MYH13: variants seen among roughly 807,000 people sequenced by gnomAD.
MYH13 encodes the protein myosin-13.
Under a neutral mutation model 232.1 loss-of-function variants are expected in MYH13, and 177 were observed. The ratio of observed to expected loss-of-function variants is 0.76; its 90% CI spans 0.67 to 0.86. The LOEUF is 0.86. Among genes scored for constraint, MYH13 ranks in the 40% least tolerant of loss-of-function variants. The pLI is 0.00. For missense variants in MYH13, 2,246 were observed against 2,405.9 expected (o/e 0.93, Z 1.39); for synonymous variants, 884 against 923.5 (o/e 0.96, Z 0.78).
At chr17:10,335,193 C>T (rs142673625) in intron 18 of MYH13, among the ~76,000 whole-genome samples, 166 of 152,242 alleles carry the variant, frequency 1.1e-3, no homozygotes, top group African/African-American at 3.9e-3. Context: ...TGAGGCAGGT[C>T]GCAGCCAAAA....
At chr17:10,326,101 A>C (rs759214894) in intron 22 of MYH13, among the ~76,000 whole-genome samples, 13 of 152,210 alleles carry the variant, frequency 8.5e-5, no homozygotes, top group Non-Finnish European at 1.6e-4. Flanking sequence ...ACAGGCATTA[A>C]CCACTCTGAT....
rs1381279867 is a variant in MYH13, at chr17:10,360,208, C to T, written c.506-20G>A. 31 of 1,609,476 alleles carry T rather than the reference C, an allele frequency of 1.9e-5. No individual in the cohort carries two copies. Among genetic ancestry groups the T allele is most frequent in the Non-Finnish European group, 2.6e-5 (31 of 1,177,602 alleles). ...CTCGATCTAGAAATGCAGAGGGAAG[C>T]AAAACAAAACAAATAAACAACAAAC... On this transcript the variant is annotated intron_variant, in intron 5 of 40. Transcript: ENST00000252172.
chr17:10,345,158 C>A (rs1265642414), intron 15 of MYH13, 44 bp downstream of exon 15: 1 of 1,613,640 alleles, frequency 6.2e-7, no homozygotes, highest in South Asian at 1.1e-5. Context: ...AAGGGGAGGG[C>A]CCCCAATAAG....
chr17:10,338,199 A>G (rs1414399414), intron 18 of MYH13, among the ~76,000 whole-genome samples: 1 of 150,740 alleles, frequency 6.6e-6, no homozygotes, highest in East Asian at 2.0e-4. Flanking sequence ...CATGTACTCA[A>G]CGACGACAGT....
rs1255357072 is a variant in MYH13, at chr17:10,345,557, C to A, written c.1323G>T (p.Met441Ile). ...CCAGCTGCTGGTTGATGCGGGTGAC[C>A]ATCCACAGGAACATCTTCTCGTAGA... is the stretch of plus-strand genomic sequence containing the variant. ...KAVYEKMFLW[M>I]VTRINQQLDT... Residue 441 changes from methionine to isoleucine, a missense_variant, in exon 14 of 41, where the codon ATG becomes ATT. Coordinates refer to ENST00000252172, the MANE Select transcript of MYH13 (RefSeq NM_003802.3). 4.3e-6 allele frequency: 7 copies of A among 1,614,036 alleles called. No individual in the cohort carries two copies. The highest frequency in any genetic ancestry group is 5.9e-6 in the Non-Finnish European group (7 of 1,180,044).
rs1906814915 is a variant in MYH13, at chr17:10,318,785, G to A, written c.3738+5C>T. The A allele has an allele frequency of 1.9e-6, 3 of 1,613,962 alleles. No individual in the cohort carries two copies. The East Asian group carries it at 6.7e-5, about 36-fold the overall frequency. The stretch of plus-strand genomic sequence containing the variant: ...TCTCCAAGAGCAGAAGGGCCAGTCA[G>A]GTACCTTTGACTTGGAGAGAGCCTC... On this transcript the variant is annotated splice_donor_5th_base_variant and intron_variant, in intron 27 of 40. Coordinates refer to ENST00000252172, the MANE Select transcript of MYH13 (RefSeq NM_003802.3).
In MYH13 at chr17:10,330,450, C is replaced by G. The variant is rs1265102492; in HGVS notation, c.2372G>C (p.Ser791Thr). The G allele has an allele frequency of 6.2e-7, 1 of 1,613,256 alleles. No individual in the cohort carries two copies. Among genetic ancestry groups the G allele is most frequent in the Non-Finnish European group, 8.5e-7 (1 of 1,179,786 alleles). The change falls in exon 21 of 41, where the codon AGC becomes ACC. Residue 791 changes from serine to threonine, a missense_variant. Physicochemically the swap from Ser to Thr is moderately conservative, Grantham distance 58. Coordinates refer to ENST00000252172, the MANE Select transcript of MYH13 (RefSeq NM_003802.3). Reference protein sequence around the residue: ...RDEKLVTLMTSTQAVCRGYLM... With the variant: ...RDEKLVTLMTTTQAVCRGYLM... ...GTACCCCCTGCACACCGCCTGCGTG[C>G]TTGTCATCAGCGTCACCAGCTTCTC...
chr17:10,362,396 G>T lies in MYH13; in HGVS notation c.312C>A (p.Tyr104Ter). ...AGGCTGCATAGCGCTCTTTGAGGTTGTACAGAACAGCAGGTTCATGCAGGT... is the reference window on the plus strand; with the variant it reads ...AGGCTGCATAGCGCTCTTTGAGGTTTTACAGAACAGCAGGTTCATGCAGGT... ...MTHLHEPAVL[Y>*]NLKERYAAWM... Residue 104 changes from tyrosine (Y) to a stop codon, truncating the protein, a stop_gained, in exon 4 of 41, where the codon TAC (tyrosine) becomes TAA (stop). Transcript: ENST00000252172. LOFTEE classifies it high-confidence loss of function. The T allele has an allele frequency of 1.2e-6, 2 of 1,614,192 alleles. No individual in the cohort carries two copies. Among genetic ancestry groups the T allele is most frequent in the South Asian group, 1.1e-5 (1 of 91,078 alleles).
At chr17:10,350,002 C>T (rs914018797) in intron 12 of MYH13, among the ~76,000 whole-genome samples, 6 of 152,178 alleles carry the variant, frequency 3.9e-5, no homozygotes, top group African/African-American at 1.2e-4. Context: ...GCCCTTCCTG[C>T]TGCCCTGTGC....
chr17:10,364,302 A>C, intron 3 of MYH13, 25 bp downstream of exon 3: 1 of 1,599,238 alleles, frequency 6.3e-7, no homozygotes, highest in Non-Finnish European at 8.6e-7. Flanking sequence ...CCATATTATC[A>C]AAGACATCTG....
chr17:10,344,221 C>T, intron 15 of MYH13, 112 bp from the exon 16 acceptor site: 1 of 1,453,380 alleles, frequency 6.9e-7, no homozygotes, highest in East Asian at 2.3e-5. Flanking sequence ...GGAATGCTGG[C>T]ATGTACGCTC....
intron 39 of MYH13, 100 bp from the exon 40 acceptor site, chr17:10,301,803 C>T: frequency 2.1e-6 from 3 of 1,435,938 alleles, no homozygotes; most frequent in South Asian, 1.4e-5. Flanking sequence ...GCAACCAGGG[C>T]CCTGGATTCC....
intron 22 of MYH13, 79 bp downstream of exon 22, chr17:10,327,787 T>C (rs542963936): frequency 1.3e-6 from 2 of 1,556,966 alleles, no homozygotes; most frequent in African/African-American, 1.4e-5. Context: ...AATAGACACC[T>C]GATGGCGCCC....
intron 24 of MYH13, 77 bp from the exon 25 acceptor site, chr17:10,320,573 C>T (rs934366589): frequency 3.6e-5 from 54 of 1,504,890 alleles, no homozygotes; most frequent in Admixed American, 4.3e-5. Context: ...TAGCCATACA[C>T]GTGGCCTGGG....
intron 26 of MYH13, 46 bp downstream of exon 26, chr17:10,320,107 T>C (rs1906878021): frequency 1.4e-6 from 2 of 1,460,242 alleles, no homozygotes; most frequent in East Asian, 2.4e-5. Flanking sequence ...GGAGGGGCGC[T>C]CTTGCAAAGG....
chr17:10,370,902 C>G (rs956059682), intron 2 of MYH13, among the ~76,000 whole-genome samples: 1 of 152,150 alleles, frequency 6.6e-6, no homozygotes, highest in Non-Finnish European at 1.5e-5. Flanking sequence ...TGTGTGAAGA[C>G]TGCATTTGGA....
intron 1 of MYH13, among the ~76,000 whole-genome samples, chr17:10,371,686 G>A (rs1462252153): frequency 6.6e-6 from 1 of 152,160 alleles, no homozygotes; most frequent in Non-Finnish European, 1.5e-5. Flanking sequence ...CTTCTGACTG[G>A]GGGGCTGTGA....
chr17:10,372,823 T>C (rs1183035031), intron 1 of MYH13, among the ~76,000 whole-genome samples, 156 bp downstream of exon 1: 1 of 152,170 alleles, frequency 6.6e-6, no homozygotes, highest in Non-Finnish European at 1.5e-5. Context: ...GTCTTGTCTT[T>C]CCATCTTGTC....
chr17:10,319,777 A>G (rs964565634), intron 26 of MYH13, among the ~76,000 whole-genome samples: 2 of 152,186 alleles, frequency 1.3e-5, no homozygotes, highest in South Asian at 2.1e-4. Flanking sequence ...CATGTGTACT[A>G]TATATTTTTT....
Sources: allele counts gnomAD v4.1 joint callset (sites outside exome capture counted in the v4.1 genomes callset), GRCh38; gene constraint gnomAD v4.1.1; transcripts MANE v1.5; gene names NCBI Gene and HGNC (gene_info 2026-07-23, HGNC 2026-07-21).